Variants in HLTF observed in about 807,000 individuals in gnomAD.
HLTF encodes the protein helicase like transcription factor.
In HLTF, 127 loss-of-function variants were observed where a neutral mutation model predicts 129.4. That is an observed-to-expected ratio of 0.98 (90% confidence interval 0.85 to 1.14). The LOEUF (loss-of-function observed/expected upper bound fraction) is 1.14, where lower values mean the gene tolerates loss of function less well. HLTF is among the 50% of genes most tolerant of loss of function. The pLI is 0.00. For synonymous variants in HLTF, 332 were observed against 388.8 expected, an observed-to-expected ratio of 0.85 and a Z score of 1.72; for missense variants, 1,139 against 1,187.1, an observed-to-expected ratio of 0.96 and a Z score of 0.60.
At chr3:149,063,802 G>GAGCT (rs1718144236) in intron 9 of HLTF, among the ~76,000 whole-genome samples, 1 of 151,922 alleles carries the variant, frequency 6.6e-6, no homozygotes, top group African/African-American at 2.4e-5. Flanking sequence ...AGGCAGCTAA[G>GAGCT]AGCTATTGGA....
intron 5 of HLTF, among the ~76,000 whole-genome samples, chr3:149,072,787 CT>C (rs924232489): frequency 3.3e-5 from 5 of 151,942 alleles, no homozygotes; most frequent in African/African-American, 4.8e-5. Context: ...ACTTTATATA[CT>C]TTTTTTTCAA....
intron 20 of HLTF, among the ~76,000 whole-genome samples, chr3:149,040,731 A>C (rs1401940627): frequency 6.6e-6 from 1 of 152,132 alleles, no homozygotes; most frequent in African/African-American, 2.4e-5. Flanking sequence ...TTTAAAAGTC[A>C]ATACAGTGGG....
At chr3:149,056,535 C>T (rs1717447476) in intron 13 of HLTF, among the ~76,000 whole-genome samples, 1 of 152,134 alleles carries the variant, frequency 6.6e-6, no homozygotes, top group African/African-American at 2.4e-5. Flanking sequence ...TTTTTTCTCT[C>T]AGTGCTATCT....
intron 24 of HLTF, among the ~76,000 whole-genome samples, chr3:149,033,011 C>A (rs1472395026): frequency 6.7e-6 from 1 of 149,072 alleles, no homozygotes; most frequent in Non-Finnish European, 1.5e-5. Context: ...AAGAATGAAT[C>A]TTTAGTATAA....
At chr3:149,076,531 G>T (rs997079631) in intron 2 of HLTF, among the ~76,000 whole-genome samples, 9 of 152,160 alleles carry the variant, frequency 5.9e-5, no homozygotes, top group African/African-American at 2.2e-4. Flanking sequence ...AAAGGTAGCA[G>T]AGCTAGGATC....
At chr3:149,041,017 A>T (rs992621891) in intron 20 of HLTF, among the ~76,000 whole-genome samples, 1 of 152,172 alleles carries the variant, frequency 6.6e-6, no homozygotes, top group African/African-American at 2.4e-5. Context: ...CAATAATCAC[A>T]TGGGGCAATT....
chr3:149,034,988 G>C lies in HLTF; in HGVS notation c.2807C>G (p.Pro936Arg), dbSNP rs1386465044. ...RVFLMDPAWN[P>R]AAEDQCFDRC... Reference sequence around the variant, plus strand: ...GTCAAAGCACTGATCTTCAGCAGCAGGATTCCAGGCCTAACAAGAACATGG... The same window carrying C: ...GTCAAAGCACTGATCTTCAGCAGCACGATTCCAGGCCTAACAAGAACATGG... The change falls in exon 24 of 25, where the codon CCT becomes CGT. Residue 936 changes from proline to arginine, a missense_variant. Pro to Arg is a moderately radical substitution (Grantham distance 103). Transcript: ENST00000310053. 1.2e-6 allele frequency: 2 copies of C among 1,613,024 alleles called. No individual in the cohort carries two copies. The highest frequency in any genetic ancestry group is 2.2e-5 in the East Asian group (1 of 44,860).
At chr3:149,049,300 G>A (rs1716798748) in intron 15 of HLTF, among the ~76,000 whole-genome samples, 1 of 152,150 alleles carries the variant, frequency 6.6e-6, no homozygotes, top group African/African-American at 2.4e-5. Context: ...TCTCTGTTGA[G>A]TCACTGGTCA....
rs755285970 is a variant in HLTF, at chr3:149,060,707, A to G, written c.1241-20T>C. 1.4e-5 allele frequency: 23 copies of G among 1,612,294 alleles called. No homozygotes were observed. Among genetic ancestry groups the G allele is most frequent in the Non-Finnish European group, 2.0e-5 (23 of 1,178,832 alleles). On this transcript the variant is annotated intron_variant, in intron 11 of 24. Coordinates refer to ENST00000310053, the MANE Select transcript of HLTF (RefSeq NM_003071.4). Reference sequence around the variant, plus strand: ...GTTTGCCTAAAAATAAAACAAAAATAAACATAAAAATGGGCAAAACAGGAC... The same window carrying G: ...GTTTGCCTAAAAATAAAACAAAAATGAACATAAAAATGGGCAAAACAGGAC...
chr3:149,071,253 A>G lies in HLTF; in HGVS notation c.893T>C (p.Leu298Ser). The G allele has an allele frequency of 6.5e-7, 1 of 1,539,636 alleles. No homozygotes were observed. The highest frequency in any genetic ancestry group is 8.8e-7 in the Non-Finnish European group (1 of 1,140,676). ...HGGILADDMG[L>S]GKTLTAIAVI... ...TTAACTAAAGAAAAAAATAATTACC[A>G]AACCCATATCATCAGCTAAAATTCC... Residue 298 changes from leucine (L) to serine (S), a missense_variant and splice_region_variant, in exon 7 of 25, where the codon TTG (leucine) becomes TCG (serine). Transcript: ENST00000310053.
At position 149,086,460 on chromosome 3, in the gene HLTF, A is replaced by T; in HGVS notation, c.-124T>A. The T allele has an allele frequency of 8.9e-7, 1 of 1,125,744 alleles. No individual in the cohort carries two copies. Among genetic ancestry groups the T allele is most frequent in the Non-Finnish European group, 1.3e-6 (1 of 775,396 alleles). The allele number at this position is 1,125,744 out of a possible 1,614,324, so 69.7% of individuals were successfully genotyped here. A position where few individuals can be genotyped will look rare whatever the true frequency, so the allele number is the denominator to read the frequency against. On this transcript the variant is annotated 5_prime_UTR_variant, in exon 1 of 25. Transcript: ENST00000310053. ...GGGGACAAATTCCGAGCGCCGGATC[A>T]GGAGCGCACGACTGAAAGGTAAGTC...
Position 149,064,794 on chromosome 3 carries a change from TG to T in HLTF, c.1062del (p.Ser354ArgfsTer42), listed in dbSNP as rs780737036. Reference sequence around the variant, plus strand: ...TCATTTCAAAATTAGCATTTACCTTTGCTTAGTCCATCTGCCTTTTCACTGG... The same window carrying T: ...TCATTTCAAAATTAGCATTTACCTTTCTTAGTCCATCTGCCTTTTCACTGG... The part of the protein sequence containing the change: ...NNTSEKADGL[S>X]KDASRCSEQP... On this transcript the variant is annotated frameshift_variant, in exon 9 of 25. Transcript: ENST00000310053. LOFTEE classifies it high-confidence loss of function. The T allele has an allele frequency of 5.1e-6, 8 of 1,555,858 alleles. No homozygotes were observed. The South Asian group carries it at 7.8e-5, about 15-fold the overall frequency.
intron 23 of HLTF, among the ~76,000 whole-genome samples, chr3:149,037,240 G>A (rs1219931250): frequency 6.6e-6 from 1 of 152,112 alleles, no homozygotes; most frequent in Admixed American, 6.5e-5. Flanking sequence ...GGAGGCTGAG[G>A]CAGGTGGATC....
intron 14 of HLTF, among the ~76,000 whole-genome samples, chr3:149,054,115 G>A (rs1717225834): frequency 6.6e-6 from 1 of 152,038 alleles, no homozygotes; most frequent in South Asian, 2.1e-4. Context: ...CCAAGAAGAG[G>A]CCACTAAATT....
intron 13 of HLTF, among the ~76,000 whole-genome samples, chr3:149,055,778 T>C (rs1301526474): frequency 1.3e-5 from 2 of 152,218 alleles, no homozygotes; most frequent in Non-Finnish European, 1.5e-5. Context: ...ATTCACAATC[T>C]TGTGTAATCT....
At chr3:149,073,120 G>T in intron 5 of HLTF, 105 bp downstream of exon 5, 3 of 535,700 alleles carry the variant, frequency 5.6e-6, no homozygotes, top group South Asian at 4.1e-5. Context: ...TAATATATTT[G>T]AAGACCACAA....
chr3:149,044,501 G>C (rs79998012), intron 18 of HLTF, among the ~76,000 whole-genome samples: 4,374 of 152,114 alleles, frequency 0.029, 85 homozygotes, highest in South Asian at 0.07. Context: ...TTCACAGTTA[G>C]ATCTCTTTCA....
At chr3:149,042,952 A>G (rs1716249839) in intron 18 of HLTF, among the ~76,000 whole-genome samples, 1 of 152,108 alleles carries the variant, frequency 6.6e-6, no homozygotes, top group Non-Finnish European at 1.5e-5. Flanking sequence ...ATATTCAAAT[A>G]TAAGTAATAA....
rs781176614 is a variant in HLTF at position 149,068,355 on chromosome 3, G to C, written c.895-20C>G. The C allele has an allele frequency of 2.5e-6, 3 of 1,186,508 alleles. No homozygotes were observed. Among genetic ancestry groups the C allele is most frequent in the African/African-American group, 1.6e-5 (1 of 64,296 alleles). The allele number at this position is 1,186,508 out of a possible 1,614,324, so 73.5% of individuals were successfully genotyped here. On this transcript the variant is annotated intron_variant, in intron 7 of 24. Transcript: ENST00000310053. ...TTTACCCTTAAAAATGTTTTAAAAAGATAAATGGTCAGATTGTGAAACCCA... is the reference window on the plus strand; with the variant it reads ...TTTACCCTTAAAAATGTTTTAAAAACATAAATGGTCAGATTGTGAAACCCA...
Sources: gnomAD v4.1 joint callset for allele counts (sites outside exome capture counted in the v4.1 genomes callset) on GRCh38, gnomAD v4.1.1 for gene constraint, MANE v1.5 for transcripts, NCBI Gene and HGNC (gene_info 2026-07-23, HGNC 2026-07-21) for gene names.